The following TMEM161B variants were observed in gnomAD, a reference collection of about 807,000 sequenced individuals.
The protein encoded by TMEM161B is transmembrane protein 161B.
Under a neutral mutation model 61.8 loss-of-function variants are expected in TMEM161B, and 34 were observed. The observed-to-expected ratio is 0.55, with a 90% CI of 0.42 to 0.73. TMEM161B has a LOEUF of 0.73. Ranked by LOEUF, TMEM161B falls within the 30% of genes least tolerant of loss-of-function variation. The pLI, the probability that TMEM161B is intolerant of heterozygous loss-of-function variation, is 0.00. For missense variants in TMEM161B, 456 were observed against 558.5 expected (o/e 0.82, Z 1.85); for synonymous variants, 167 against 192.8 (o/e 0.87, Z 1.11).
intron 1 of TMEM161B, among the ~76,000 whole-genome samples, chr5:88,255,116 T>G (rs1219643995): frequency 6.6e-6 from 1 of 152,116 alleles, no homozygotes; most frequent in African/African-American, 2.4e-5. Context: ...AGAAGAAAAG[T>G]GTGATGAAAC....
chr5:88,199,294 G>T, intron 9 of TMEM161B, 144 bp from the exon 10 acceptor site: 1 of 705,720 alleles, frequency 1.4e-6, no homozygotes, highest in Non-Finnish European at 2.3e-6. Flanking sequence ...CTCTGCCATA[G>T]ACTTAACTGT....
chr5:88,247,234 C>T (rs1025153724), intron 1 of TMEM161B, among the ~76,000 whole-genome samples: 10 of 151,998 alleles, frequency 6.6e-5, no homozygotes, highest in Admixed American at 1.3e-4. Flanking sequence ...TAAAATGTAC[C>T]CAAATAACAG....
downstream of TMEM161B, among the ~76,000 whole-genome samples, chr5:88,185,797 G>GA (rs1364946135): frequency 2.6e-5 from 4 of 152,018 alleles, no homozygotes; most frequent in East Asian, 7.7e-4. Flanking sequence ...AACACAGAAA[G>GA]AAAAAAGAAA....
At chr5:88,186,811 G>A (rs556204918), downstream of TMEM161B, among the ~76,000 whole-genome samples, 66 of 152,078 alleles carry the variant, frequency 4.3e-4, no homozygotes, top group Non-Finnish European at 7.8e-4. Flanking sequence ...GCTAAGGCAG[G>A]AGAATTGCTT....
rs1325121308 is a variant in TMEM161B at position 88,261,728 on chromosome 5, T to TG, written c.3+6992dup. Reference sequence around the variant, plus strand: ...GTACTGAAACAACTAGACATTCATGTGCAAAAAAAAAAAAAAAAAAAAAGA... The same window carrying TG: ...GTACTGAAACAACTAGACATTCATGTGGCAAAAAAAAAAAAAAAAAAAAAGA... On this transcript the variant is annotated intron_variant, in intron 1 of 11. Transcript: ENST00000296595. Among the ~76,000 whole-genome samples, 5 of 68,538 alleles carry TG rather than the reference T, an allele frequency of 7.3e-5. No individual in the cohort carries two copies. In the East Asian group the frequency reaches 2.6e-3, roughly 36 times the overall value. The allele number at this position is 68,538 out of a possible 152,430, so 45.0% of individuals were successfully genotyped here. A position where few individuals can be genotyped will look rare whatever the true frequency, so the allele number is the denominator to read the frequency against.
intron 9 of TMEM161B, 46 bp from the exon 10 acceptor site, chr5:88,199,196 G>A: frequency 6.5e-7 from 1 of 1,539,012 alleles, no homozygotes; most frequent in Non-Finnish European, 8.8e-7. Flanking sequence ...ACAACAATAT[G>A]CTAGCATGCT....
intron 9 of TMEM161B, chr5:88,202,438 AT>A (rs1321178222): frequency 6.7e-5 from 6 of 89,492 alleles, no homozygotes; most frequent in South Asian, 3.1e-4. Flanking sequence ...AAATATCCTT[AT>A]TTTTTTTAGA....
intron 2 of TMEM161B, among the ~76,000 whole-genome samples, chr5:88,230,635 A>C (rs939439795): frequency 6.6e-6 from 1 of 152,088 alleles, no homozygotes; most frequent in African/African-American, 2.4e-5. Context: ...AAATTCTTTC[A>C]TCCCTTGGTG....
intron 1 of TMEM161B, among the ~76,000 whole-genome samples, chr5:88,247,257 C>A (rs1236766928): frequency 1.3e-5 from 2 of 152,004 alleles, no homozygotes; most frequent in Admixed American, 6.6e-5. Context: ...TTTTGTCTTG[C>A]TTTATTAATA....
intron 1 of TMEM161B, among the ~76,000 whole-genome samples, chr5:88,250,114 CA>C (rs1465308358): frequency 6.6e-6 from 1 of 151,928 alleles, no homozygotes; most frequent in Non-Finnish European, 1.5e-5. Flanking sequence ...TCCCATTAAT[CA>C]AAATCTTGCA....
intron 2 of TMEM161B, among the ~76,000 whole-genome samples, chr5:88,234,004 A>G (rs1414444836): frequency 6.6e-6 from 1 of 152,224 alleles, no homozygotes; most frequent in Non-Finnish European, 1.5e-5. Context: ...ACATTTCAAC[A>G]AAGTTGGCTA....
chr5:88,218,857 C>T (rs1471913227), intron 5 of TMEM161B, among the ~76,000 whole-genome samples: 5 of 152,076 alleles, frequency 3.3e-5, no homozygotes, highest in African/African-American at 1.2e-4. Flanking sequence ...CGCAAGGTCA[C>T]AAAAAATGTA....
intron 2 of TMEM161B, among the ~76,000 whole-genome samples, chr5:88,233,684 T>A (rs749348151): frequency 6.6e-6 from 1 of 151,698 alleles, no homozygotes; most frequent in Non-Finnish European, 1.5e-5. Flanking sequence ...AGGTAGAGAG[T>A]GAACAAAAGT....
intron 5 of TMEM161B, among the ~76,000 whole-genome samples, chr5:88,208,377 G>C (rs1006909583): frequency 2.0e-5 from 3 of 152,206 alleles, no homozygotes; most frequent in Admixed American, 2.0e-4. Context: ...AGCTACTAGG[G>C]AGGCTGTGGC....
intron 5 of TMEM161B, among the ~76,000 whole-genome samples, chr5:88,211,392 C>T (rs1041446282): frequency 2.4e-4 from 36 of 147,948 alleles, no homozygotes; most frequent in East Asian, 8.1e-4. Context: ...TAGACATCAA[C>T]GAGAAACAGG....
intron 1 of TMEM161B, among the ~76,000 whole-genome samples, chr5:88,252,936 G>A (rs567920673): frequency 2.9e-4 from 44 of 152,216 alleles, no homozygotes; most frequent in African/African-American, 1.0e-3. Context: ...ATGATATACT[G>A]GAAGCCAAAT....
intron 5 of TMEM161B, among the ~76,000 whole-genome samples, chr5:88,217,679 G>C (rs980913998): frequency 2.6e-5 from 4 of 152,152 alleles, no homozygotes; most frequent in African/African-American, 9.7e-5. Context: ...TCTGAAGCAA[G>C]TATGGAGATT....
At chr5:88,234,809 A>G (rs1751577999) in intron 2 of TMEM161B, among the ~76,000 whole-genome samples, 2 of 152,178 alleles carry the variant, frequency 1.3e-5, no homozygotes, top group Non-Finnish European at 2.9e-5. Context: ...TCACACCTGT[A>G]ATCCCAACAC....
At chr5:88,190,140 A>G (rs749188477), downstream of TMEM161B, 16 of 700,878 alleles carry the variant, frequency 2.3e-5, no homozygotes, top group Admixed American at 2.6e-4. Context: ...CACAAGAACT[A>G]GTAAATACTT....
Sources: allele counts gnomAD v4.1 joint callset (sites outside exome capture counted in the v4.1 genomes callset), GRCh38; gene constraint gnomAD v4.1.1; transcripts MANE v1.5; gene names NCBI Gene and HGNC (gene_info 2026-07-23, HGNC 2026-07-21).